The following SCUBE2 variants were observed in gnomAD, a reference collection of about 807,000 sequenced individuals.
SCUBE2 encodes the protein signal peptide, CUB domain and EGF like domain containing 2.
Under a neutral mutation model 125.9 loss-of-function variants are expected in SCUBE2, and 114 were observed. The ratio of observed to expected loss-of-function variants is 0.91; its 90% CI spans 0.78 to 1.06. The LOEUF (loss-of-function observed/expected upper bound fraction) is 1.06, where lower values mean the gene tolerates loss of function less well. SCUBE2 is among the 50% of genes least tolerant of loss of function. The pLI, the probability that SCUBE2 is intolerant of heterozygous loss-of-function variation, is 0.00. For synonymous variants in SCUBE2, 459 were observed against 492.9 expected (o/e 0.93, Z 0.91); for missense variants, 1,255 against 1,301.8 (o/e 0.96, Z 0.55).
intron 22 of SCUBE2, among the ~76,000 whole-genome samples, chr11:9,021,650 C>G (rs1161968464): frequency 6.6e-6 from 1 of 152,208 alleles, no homozygotes; most frequent in Non-Finnish European, 1.5e-5. Context: ...CTCCCTGCCC[C>G]TCCACAAGTT....
At position 9,067,424 on chromosome 11, in the gene SCUBE2, G is replaced by A. The variant is rs1041438148; in HGVS notation, c.644-611C>T. 1.1e-4 allele frequency among the ~76,000 whole-genome samples: 17 copies of A among 152,146 alleles called. No homozygotes were observed. The East Asian group carries it at 2.1e-3, about 19-fold the overall frequency. On this transcript the variant is annotated intron_variant, in intron 5 of 22. Transcript: ENST00000649792. The stretch of plus-strand genomic sequence containing the variant: ...CTATCTATTCATCAAACTGCTAACC[G>A]TGGTTACCTCTGGCAAGGGAAACGG...
Position 9,074,612 on chromosome 11 carries a change from A to AGAAGGAGG in SCUBE2, c.385_386insCCTCCTTC (p.Val129AlafsTer35). 6.2e-7 allele frequency: 1 copy of AGAAGGAGG among 1,614,204 alleles called. No homozygotes were observed. Among genetic ancestry groups the AGAAGGAGG allele is most frequent in the South Asian group, 1.1e-5 (1 of 91,082 alleles). ...GCCATTGTTCTCCAGGCACTCGTCC[A>AGAAGGAGG]CATCTGGAAGGAGAGAGGGATTAGC... On this transcript the variant is annotated frameshift_variant, in exon 4 of 23. Transcript: ENST00000649792. LOFTEE classifies it high-confidence loss of function.
chr11:9,087,300 T>C (rs1862172664), intron 2 of SCUBE2, among the ~76,000 whole-genome samples: 1 of 152,208 alleles, frequency 6.6e-6, no homozygotes, highest in South Asian at 2.1e-4. Flanking sequence ...GTCAGTGGAA[T>C]GGTTTTGTGC....
chr11:9,081,143 A>C (rs1861607700), intron 2 of SCUBE2, among the ~76,000 whole-genome samples: 1 of 152,236 alleles, frequency 6.6e-6, no homozygotes, highest in Admixed American at 6.5e-5. Flanking sequence ...TGTTGACAGG[A>C]TGTTGATGGG....
chr11:9,058,737 C>G (rs1211982118), intron 9 of SCUBE2, among the ~76,000 whole-genome samples: 1 of 150,686 alleles, frequency 6.6e-6, no homozygotes, highest in Non-Finnish European at 1.5e-5. Context: ...TGCAGTGAAC[C>G]AAGATGATGC....
At position 9,050,579 on chromosome 11, in the gene SCUBE2, C is replaced by A. The variant is rs775885383; in HGVS notation, c.1639+27G>T. The A allele has an allele frequency of 3.2e-6, 5 of 1,577,388 alleles. No homozygotes were observed. The Admixed American group carries it at 6.7e-5, about 21-fold the overall frequency. On this transcript the variant is annotated intron_variant, in intron 14 of 22. Transcript: ENST00000649792. ...GCCCCTTCCCACATGCAGGCAAGCT[C>A]CCTACACCAACCACCTGATTCCATA...
At chr11:9,065,105 A>T (rs1860079486) in intron 7 of SCUBE2, 1 of 152,170 alleles carries the variant, frequency 6.6e-6, no homozygotes, top group African/African-American at 2.4e-5. Context: ...AAGACAGCTG[A>T]CTTCACTGAC....
intron 14 of SCUBE2, 33 bp downstream of exon 14, chr11:9,050,573 C>G: frequency 6.4e-7 from 1 of 1,556,802 alleles, no homozygotes; most frequent in Non-Finnish European, 8.9e-7. Flanking sequence ...CACATGCAGG[C>G]AAGCTCCCTA....
At position 9,050,622 on chromosome 11, in the gene SCUBE2, C is replaced by T. The variant is rs1264947161; in HGVS notation, c.1623G>A (p.Leu541=). The change falls in exon 14 of 23, where the codon CTG becomes CTA. Residue 541 remains leucine, a synonymous_variant. Coordinates refer to ENST00000649792, the MANE Select transcript of SCUBE2 (RefSeq NM_001367977.2). ...ATTCCATACCTGGTAGTGCTGGTCG[C>T]AGACCCTCGGGAAACAGCTCAGCAT... ...LKNAELFPEG[L]RPALPEKHSS... 3 of 1,614,074 alleles carry T rather than the reference C, an allele frequency of 1.9e-6. No homozygotes were observed. The highest frequency in any genetic ancestry group is 1.6e-4 in the Middle Eastern group (1 of 6,062).
In SCUBE2 at chr11:9,079,407, G is replaced by A. The variant is rs1861453952; in HGVS notation, c.359C>T (p.Ala120Val). 6.2e-7 allele frequency: 1 copy of A among 1,614,060 alleles called. No individual in the cohort carries two copies. The highest frequency in any genetic ancestry group is 8.5e-7 in the Non-Finnish European group (1 of 1,179,974). ...ACCAAGACAATTATGACCGTCATGAGCCAACATGAAGCCATCAAAACAAGT... is the reference window on the plus strand; with the variant it reads ...ACCAAGACAATTATGACCGTCATGAACCAACATGAAGCCATCAAAACAAGT... ...RCTCFDGFML[A>V]HDGHNCLDVD... Residue 120 changes from alanine to valine, a missense_variant, in exon 3 of 23, where the codon GCT becomes GTT. Around this residue, in one of 3 missense-constraint regions of SCUBE2, gnomAD observed 362 missense variants for 323.0 expected, o/e 1.12. Coordinates refer to ENST00000649792, the MANE Select transcript of SCUBE2 (RefSeq NM_001367977.2).
chr11:9,045,606 G>C (rs10572251), intron 16 of SCUBE2, among the ~76,000 whole-genome samples: 63 of 115,230 alleles, frequency 5.5e-4, no homozygotes, highest in African/African-American at 1.4e-3. Context: ...AAGACAGACA[G>C]ACAGACACAC....
At chr11:9,053,071 C>T (rs550808134) in intron 12 of SCUBE2, 28 bp downstream of exon 12, 6 of 1,591,936 alleles carry the variant, frequency 3.8e-6, no homozygotes, top group Non-Finnish European at 5.2e-6. Context: ...AGTGTGAGGA[C>T]CTGCCCCGGG....
intron 11 of SCUBE2, among the ~76,000 whole-genome samples, chr11:9,053,435 A>G (rs1858647392): frequency 6.6e-6 from 1 of 152,254 alleles, no homozygotes. Context: ...AGTGAGTTCC[A>G]ACCTACACAG....
At chr11:9,066,882 GA>G in intron 5 of SCUBE2, 69 bp from the exon 6 acceptor site, 1 of 1,284,660 alleles carries the variant, frequency 7.8e-7, no homozygotes, top group Non-Finnish European at 1.1e-6. Context: ...GTTTGCTCCA[GA>G]GAAATTCTGA....
intron 7 of SCUBE2, among the ~76,000 whole-genome samples, chr11:9,065,503 C>T (rs891855003): frequency 1.3e-5 from 2 of 152,176 alleles, no homozygotes; most frequent in Non-Finnish European, 2.9e-5. Context: ...CTTTCTTTAT[C>T]AATTACCCAG....
chr11:9,023,693 T>G (rs1336776102), intron 21 of SCUBE2, among the ~76,000 whole-genome samples: 1 of 152,254 alleles, frequency 6.6e-6, no homozygotes, highest in Admixed American at 6.5e-5. Context: ...AACCTTGCTT[T>G]GCAACCTTGC....
chr11:9,088,300 C>T (rs971434996), intron 2 of SCUBE2, among the ~76,000 whole-genome samples: 1 of 152,198 alleles, frequency 6.6e-6, no homozygotes, highest in Non-Finnish European at 1.5e-5. Context: ...CCAGCCTGGC[C>T]AACATGGTGA....
At chr11:9,033,559 G>C in intron 17 of SCUBE2, 67 bp downstream of exon 17, 1 of 1,547,742 alleles carries the variant, frequency 6.5e-7, no homozygotes, top group Non-Finnish European at 8.8e-7. Context: ...GAGTCCTTGA[G>C]ATGCCTTCTG....
chr11:9,033,626 C>T lies in SCUBE2; in HGVS notation c.2173G>A (p.Gly725Ser). 1 of 1,613,244 alleles carries T rather than the reference C, an allele frequency of 6.2e-7. No homozygotes were observed. Among genetic ancestry groups the T allele is most frequent in the Non-Finnish European group, 8.5e-7 (1 of 1,179,680 alleles). ...AGGAAGGAACAGACAGCATCCTTAC[C>T]TCCACATTCAGACATATTCCAAGCT... ...PEAWNMSECG[G>S]LCQPGEYSAD... Residue 725 changes from glycine (G) to serine (S), a missense_variant and splice_region_variant, in exon 17 of 23, where the codon GGT becomes AGT. Around this residue, in one of 3 missense-constraint regions of SCUBE2, gnomAD observed 515 missense variants for 515.7 expected, o/e 1.00. Coordinates refer to ENST00000649792, the MANE Select transcript of SCUBE2 (RefSeq NM_001367977.2).
Sources: gnomAD v4.1 joint callset for allele counts (sites outside exome capture counted in the v4.1 genomes callset) on GRCh38, gnomAD v4.1.1 for gene constraint, gnomAD v4.1.1 regional missense constraint, MANE v1.5 for transcripts, NCBI Gene and HGNC (gene_info 2026-07-23, HGNC 2026-07-21) for gene names.